The following GASK1A variants were observed in gnomAD, a reference collection of about 807,000 sequenced individuals.
GASK1A encodes golgi associated kinase 1A.
In GASK1A, 40 loss-of-function variants were observed where a neutral mutation model predicts 41.2. The ratio of observed to expected loss-of-function variants is 0.97; its 90% CI spans 0.75 to 1.27. The LOEUF (loss-of-function observed/expected upper bound fraction) is 1.27, where lower values mean the gene tolerates loss of function less well. GASK1A is among the 50% of genes most tolerant of loss of function. The pLI, the probability that GASK1A is intolerant of heterozygous loss-of-function variation, is 0.00. For synonymous variants in GASK1A, 316 were observed against 307.1 expected (o/e 1.03, Z -0.30); for missense variants, 678 against 745.1 (o/e 0.91, Z 1.05).
At chr3:43,037,264 A>G (rs1464570511) in intron 2 of GASK1A, 1 of 958,064 alleles carries the variant, frequency 1.0e-6, no homozygotes, top group East Asian at 2.4e-5. Context: ...GCGATGGCCG[A>G]GGAGAAGCCA....
chr3:43,021,291 G>A (rs950869069), intron 1 of GASK1A, among the ~76,000 whole-genome samples: 3 of 152,000 alleles, frequency 2.0e-5, no homozygotes, highest in South Asian at 2.1e-4. Context: ...ACCTTTCCAC[G>A]TGATTTTAAA....
chr3:43,031,926 G>A (rs1575446945), intron 1 of GASK1A, among the ~76,000 whole-genome samples: 1 of 152,238 alleles, frequency 6.6e-6, no homozygotes, highest in Admixed American at 6.5e-5. Context: ...TCAGCTCTTG[G>A]TGATGGGGAC....
intron 1 of GASK1A, among the ~76,000 whole-genome samples, chr3:42,997,706 T>TA (rs774326030): frequency 2.6e-5 from 4 of 152,228 alleles, no homozygotes; most frequent in Non-Finnish European, 5.9e-5. Flanking sequence ...ATTTGACAGT[T>TA]ATCTCATTTA....
At chr3:43,001,511 A>C (rs908400001) in intron 1 of GASK1A, among the ~76,000 whole-genome samples, 10 of 152,252 alleles carry the variant, frequency 6.6e-5, no homozygotes, top group African/African-American at 2.4e-4. Flanking sequence ...GTATGTGGAC[A>C]AGAATGCAGA....
chr3:43,008,701 C>T (rs2089448434), intron 1 of GASK1A, among the ~76,000 whole-genome samples: 1 of 152,198 alleles, frequency 6.6e-6, no homozygotes. Context: ...CAGGTGTGTA[C>T]AGAGCAGCCA....
intron 1 of GASK1A, among the ~76,000 whole-genome samples, chr3:42,987,998 C>A (rs151162065): frequency 5.1e-4 from 35 of 68,450 alleles, no homozygotes; most frequent in East Asian, 1.0e-3. Flanking sequence ...GACTCTAGCT[C>A]AAAAAAAAAA....
intron 1 of GASK1A, among the ~76,000 whole-genome samples, chr3:42,998,555 C>T (rs578108634): frequency 2.0e-5 from 3 of 152,300 alleles, no homozygotes; most frequent in Non-Finnish European, 4.4e-5. Context: ...CCCTAGGAGG[C>T]GGGTGCTAAA....
intron 1 of GASK1A, among the ~76,000 whole-genome samples, chr3:42,990,349 CAAAA>C (rs74270677): frequency 1.8e-5 from 2 of 108,668 alleles, no homozygotes; most frequent in Non-Finnish European, 3.9e-5. Context: ...GACCCCGTCT[CAAAA>C]AAAAAAAAAA....
intron 2 of GASK1A, among the ~76,000 whole-genome samples, chr3:43,036,157 G>A (rs1320955071): frequency 6.6e-6 from 1 of 152,210 alleles, no homozygotes; most frequent in Non-Finnish European, 1.5e-5. Context: ...CTGCTGTGGG[G>A]ACAAGTCTCT....
Position 43,042,942 on chromosome 3 carries a change from A to G in GASK1A, c.1290+9389A>G, listed in dbSNP as rs188570908. Among the ~76,000 whole-genome samples, 196 of 152,284 alleles carry G rather than the reference A, an allele frequency of 1.3e-3. 1 individual carries two copies. The highest frequency in any genetic ancestry group is 4.5e-3 in the African/African-American group (185 of 41,568). ...AAGGAGCACAGCAAGGTGAGTCCTT[A>G]GAGGAGAGTGAGAGTCAGTGCCGAG... On this transcript the variant is annotated intron_variant, in intron 2 of 4. Coordinates refer to ENST00000430121, the MANE Select transcript of GASK1A (RefSeq NM_001129908.3).
At chr3:43,039,871 T>C (rs1174280606) in intron 2 of GASK1A, among the ~76,000 whole-genome samples, 1 of 152,198 alleles carries the variant, frequency 6.6e-6, no homozygotes, top group Non-Finnish European at 1.5e-5. Flanking sequence ...TTCTGTTGGG[T>C]TGTTGGTCTT....
At position 43,041,572 on chromosome 3, in the gene GASK1A, G is replaced by T. The variant is rs1278324151; in HGVS notation, c.1290+8019G>T. 3.9e-5 allele frequency among the ~76,000 whole-genome samples: 6 copies of T among 152,182 alleles called. 1 individual carries two copies. In the South Asian group the frequency reaches 8.3e-4, roughly 21 times the overall value. ...TTTATTTCGTTACATGTTCTGGCTG[G>T]TAGCTCTTTGTCCATAAGAAGGCTA... On this transcript the variant is annotated intron_variant, in intron 2 of 4. Transcript: ENST00000430121.
intron 2 of GASK1A, among the ~76,000 whole-genome samples, chr3:43,048,311 G>C (rs1175349158): frequency 6.6e-6 from 1 of 152,204 alleles, no homozygotes; most frequent in East Asian, 1.9e-4. Context: ...GTTGTGTCCA[G>C]TGCTAGGTAC....
At chr3:42,993,243 T>C (rs1254524188) in intron 1 of GASK1A, among the ~76,000 whole-genome samples, 1 of 152,246 alleles carries the variant, frequency 6.6e-6, no homozygotes, top group Non-Finnish European at 1.5e-5. Flanking sequence ...TCATTGTTTC[T>C]TCAATAATGA....
rs938371095 is a variant in GASK1A at position 43,056,865 on chromosome 3, A to G, written c.*479A>G. 2.0e-5 allele frequency: 3 copies of G among 152,366 alleles called. No individual in the cohort carries two copies. Among genetic ancestry groups the G allele is most frequent in the Non-Finnish European group, 2.9e-5 (2 of 68,144 alleles). The allele number at this position is 152,366 out of a possible 1,614,324, so 9.4% of individuals were successfully genotyped here. A position where few individuals can be genotyped will look rare whatever the true frequency, so the allele number is the denominator to read the frequency against. On this transcript the variant is annotated 3_prime_UTR_variant, in exon 5 of 5. Transcript: ENST00000430121. ...AATGAAACATAATGCGTTTGTCTTTATAGACTTTAAATTTTCAATTATTAC... is the reference window on the plus strand; with the variant it reads ...AATGAAACATAATGCGTTTGTCTTTGTAGACTTTAAATTTTCAATTATTAC...
At chr3:43,014,611 G>A (rs1159980458) in intron 1 of GASK1A, among the ~76,000 whole-genome samples, 1 of 150,962 alleles carries the variant, frequency 6.6e-6, no homozygotes, top group African/African-American at 2.4e-5. Context: ...TTGTGAAGTC[G>A]CAGTATGGGA....
intron 1 of GASK1A, among the ~76,000 whole-genome samples, chr3:43,000,786 T>G (rs1433220085): frequency 6.6e-6 from 1 of 152,188 alleles, no homozygotes; most frequent in East Asian, 1.9e-4. Flanking sequence ...AACACACGGA[T>G]GAGGTGATGG....
At position 43,056,689 on chromosome 3, in the gene GASK1A, C is replaced by T; in HGVS notation, c.*303C>T. 1 of 268,018 alleles carries T rather than the reference C, an allele frequency of 3.7e-6. No homozygotes were observed. The highest frequency in any genetic ancestry group is 2.1e-5 in the African/African-American group (1 of 47,010). 16.6% of individuals were successfully genotyped at this position (268,018 alleles called of 1,614,324 possible). The stretch of plus-strand genomic sequence containing the variant: ...CACGTGCATATGCAGAGTGGGAGAA[C>T]TTTGTGTGTGTGTAGAGGTGTGTAG... On this transcript the variant is annotated 3_prime_UTR_variant, in exon 5 of 5. Coordinates refer to ENST00000430121, the MANE Select transcript of GASK1A (RefSeq NM_001129908.3).
Position 43,040,383 on chromosome 3 carries a change from T to C in GASK1A, c.1290+6830T>C, listed in dbSNP as rs115021150. Among the ~76,000 whole-genome samples, 1,311 of 152,322 alleles carry C rather than the reference T, an allele frequency of 8.6e-3. 7 individuals are homozygous for C. The highest frequency in any genetic ancestry group is 0.014 in the Non-Finnish European group (964 of 68,022). ...TCACACTGTTTGAATTACTGAGCTT[T>C]ATATTTTATGTTAATAACTAGTAGG... On this transcript the variant is annotated intron_variant, in intron 2 of 4. Coordinates refer to ENST00000430121, the MANE Select transcript of GASK1A (RefSeq NM_001129908.3).
Sources: allele counts gnomAD v4.1 joint callset (sites outside exome capture counted in the v4.1 genomes callset), GRCh38; gene constraint gnomAD v4.1.1; transcripts MANE v1.5; gene names NCBI Gene and HGNC (gene_info 2026-07-23, HGNC 2026-07-21).